NGF: variants seen among roughly 807,000 people sequenced by gnomAD.
NGF encodes beta-nerve growth factor.
Under a neutral mutation model 12.8 loss-of-function variants are expected in NGF, and 4 were observed. The observed-to-expected ratio is 0.31, with a 90% CI of 0.15 to 0.72. The LOEUF is 0.72. Ranked by LOEUF, NGF falls within the 30% of genes least tolerant of loss-of-function variation. The probability of loss-of-function intolerance (pLI) is 0.69; values close to 1 mark genes in which losing one functional copy is unlikely to be tolerated. For missense variants in NGF, 283 were observed against 330.8 expected, an observed-to-expected ratio of 0.86 and a Z score of 1.12; for synonymous variants, 140 against 130.0, an observed-to-expected ratio of 1.08 and a Z score of -0.52.
intron 1 of NGF, among the ~76,000 whole-genome samples, chr1:115,333,655 C>CTCTTTCTTTCTT (rs368041850): frequency 2.0e-4 from 27 of 135,224 alleles, no homozygotes; most frequent in Non-Finnish European, 2.9e-4. Context: ...TTCTTTCTTT[C>CTCTTTCTTTCTT]TCTTTCTTTC....
rs1654564404 is a variant in NGF, at chr1:115,319,672, G to C, written c.-137+18532C>G. ...TATGAACTCTGACCCCTACTCACCTGGCATTTCTGGTGCCTAGAAACAAAC... is the reference window on the plus strand; with the variant it reads ...TATGAACTCTGACCCCTACTCACCTCGCATTTCTGGTGCCTAGAAACAAAC... On this transcript the variant is annotated intron_variant, in intron 1 of 2. Coordinates refer to ENST00000369512, the MANE Select transcript of NGF (RefSeq NM_002506.3). Among the ~76,000 whole-genome samples, 5 of 152,146 alleles carry C rather than the reference G, an allele frequency of 3.3e-5. No individual in the cohort carries two copies. The South Asian group carries it at 1.0e-3, about 32-fold the overall frequency.
intron 1 of NGF, among the ~76,000 whole-genome samples, chr1:115,335,489 G>C (rs1464582435): frequency 6.6e-6 from 1 of 152,218 alleles, no homozygotes; most frequent in Non-Finnish European, 1.5e-5. Context: ...TGTGAGATCA[G>C]CTAGTGAAAG....
intron 1 of NGF, among the ~76,000 whole-genome samples, chr1:115,317,359 G>A (rs960848964): frequency 1.3e-5 from 2 of 152,198 alleles, no homozygotes; most frequent in African/African-American, 4.8e-5. Flanking sequence ...CCACGGTCTA[G>A]CTTGACAATA....
At chr1:115,332,573 A>C (rs10745349) in intron 1 of NGF, among the ~76,000 whole-genome samples, 28,450 of 152,082 alleles carry the variant, frequency 0.19, 4,250 homozygotes, top group African/African-American at 0.4. Flanking sequence ...CCAAGGGAGA[A>C]CGTGAGGGGA....
chr1:115,322,865 A>G (rs555422541), intron 1 of NGF, among the ~76,000 whole-genome samples: 33 of 152,248 alleles, frequency 2.2e-4, no homozygotes, highest in Admixed American at 1.4e-3. Flanking sequence ...CTTTGCAAAG[A>G]CCTCAAGCTC....
intron 1 of NGF, among the ~76,000 whole-genome samples, chr1:115,334,928 C>T (rs1318341781): frequency 6.6e-6 from 1 of 152,212 alleles, no homozygotes; most frequent in Non-Finnish European, 1.5e-5. Flanking sequence ...GGTCACAAAG[C>T]TACTTCCCTT....
intron 1 of NGF, among the ~76,000 whole-genome samples, chr1:115,318,255 A>G (rs566535442): frequency 6.6e-6 from 1 of 152,312 alleles, no homozygotes; most frequent in African/African-American, 2.4e-5. Context: ...CCTTAGCTAG[A>G]TGCCCTAGAC....
chr1:115,328,640 T>C (rs752946151), intron 1 of NGF, among the ~76,000 whole-genome samples: 6 of 152,178 alleles, frequency 3.9e-5, no homozygotes, highest in Non-Finnish European at 7.3e-5. Flanking sequence ...CTTAGCCCTG[T>C]TGTTCTTATA....
At chr1:115,315,823 C>G (rs994244193) in intron 1 of NGF, among the ~76,000 whole-genome samples, 1 of 152,270 alleles carries the variant, frequency 6.6e-6, no homozygotes, top group African/African-American at 2.4e-5. Flanking sequence ...TTCTGACTCT[C>G]ATTGTACTGT....
intron 2 of NGF, among the ~76,000 whole-genome samples, chr1:115,291,246 C>G (rs1417671436): frequency 6.6e-6 from 1 of 152,102 alleles, no homozygotes; most frequent in Non-Finnish European, 1.5e-5. Context: ...AAAAAAAACT[C>G]TCTTAAAAGT....
chr1:115,314,244 G>C (rs1366939126), intron 1 of NGF, among the ~76,000 whole-genome samples: 1 of 152,120 alleles, frequency 6.6e-6, no homozygotes, highest in Non-Finnish European at 1.5e-5. Flanking sequence ...CTTTTGGCTT[G>C]GATCCAATCG....
chr1:115,296,323 A>G (rs1653869143), intron 1 of NGF, among the ~76,000 whole-genome samples: 1 of 152,218 alleles, frequency 6.6e-6, no homozygotes, highest in African/African-American at 2.4e-5. Flanking sequence ...TAGGACACAA[A>G]AAGCCTCCGC....
intron 1 of NGF, among the ~76,000 whole-genome samples, chr1:115,329,604 A>G (rs1654860494): frequency 6.6e-6 from 1 of 152,228 alleles, no homozygotes; most frequent in Non-Finnish European, 1.5e-5. Flanking sequence ...CAAAAGTTTC[A>G]TAAAAATTTT....
intron 1 of NGF, among the ~76,000 whole-genome samples, chr1:115,311,061 A>C (rs939657849): frequency 6.6e-6 from 1 of 152,212 alleles, no homozygotes; most frequent in Non-Finnish European, 1.5e-5. Flanking sequence ...TGAGACTGAG[A>C]GGCTAGATAA....
At chr1:115,286,969 C>T (rs1244024596) in intron 2 of NGF, among the ~76,000 whole-genome samples, 162 bp from the exon 3 acceptor site, 1 of 152,178 alleles carries the variant, frequency 6.6e-6, no homozygotes. Flanking sequence ...AATGGTTATA[C>T]CGGGACAACA....
At chr1:115,315,759 C>G (rs1354274879) in intron 1 of NGF, among the ~76,000 whole-genome samples, 1 of 152,128 alleles carries the variant, frequency 6.6e-6, no homozygotes, top group South Asian at 2.1e-4. Context: ...TGGGACTTGT[C>G]TGGCATAGGG....
At chr1:115,337,256 G>GTTTTT (rs1364127314) in intron 1 of NGF, among the ~76,000 whole-genome samples, 2 of 27,200 alleles carry the variant, frequency 7.4e-5, no homozygotes, top group African/African-American at 3.3e-4. Context: ...AATTTTTTTT[G>GTTTTT]TTTTGTTTTT....
intron 1 of NGF, among the ~76,000 whole-genome samples, chr1:115,296,089 A>G (rs373637057): frequency 3.9e-5 from 6 of 152,330 alleles, no homozygotes; most frequent in South Asian, 4.1e-4. Context: ...AGACATGTTC[A>G]TAGAGGAGGT....
At chr1:115,299,810 A>G (rs1404927232) in intron 1 of NGF, among the ~76,000 whole-genome samples, 1 of 152,174 alleles carries the variant, frequency 6.6e-6, no homozygotes, top group Non-Finnish European at 1.5e-5. Flanking sequence ...ACACACAAAA[A>G]TCTATTTCAG....
Sources: gnomAD v4.1 joint callset for allele counts (sites outside exome capture counted in the v4.1 genomes callset) on GRCh38, gnomAD v4.1.1 for gene constraint, MANE v1.5 for transcripts, NCBI Gene and HGNC (gene_info 2026-07-23, HGNC 2026-07-21) for gene names.